FHIP1A: variants seen among roughly 807,000 people sequenced by gnomAD.
FHIP1A encodes the protein FHF complex subunit HOOK-interacting protein 1A.
A neutral mutation model predicts 88.6 loss-of-function variants in FHIP1A; 61 were observed. The observed-to-expected ratio is 0.69, with a 90% CI of 0.56 to 0.85. The LOEUF (loss-of-function observed/expected upper bound fraction) is 0.85, where lower values mean the gene tolerates loss of function less well. Ranked by LOEUF, FHIP1A falls within the 40% of genes least tolerant of loss-of-function variation. FHIP1A has a pLI of 0.00. For missense variants in FHIP1A, 1,154 were observed against 1,273.5 expected, an observed-to-expected ratio of 0.91 and a Z score of 1.43; for synonymous variants, 478 against 496.0, an observed-to-expected ratio of 0.96 and a Z score of 0.48.
rs568383826 is a variant in FHIP1A, at chr4:151,656,032, T to G, written c.2552-200T>G. 3.2e-4 allele frequency among the ~76,000 whole-genome samples: 49 copies of G among 152,310 alleles called. No homozygotes were observed. The highest frequency in any genetic ancestry group is 1.2e-3 in the African/African-American group (48 of 41,572). ...AAATGTCAGTAGCCATGCCTATTTTTCTGTTTTCTTTTTGCCATGGTGGTT... is the reference window on the plus strand; with the variant it reads ...AAATGTCAGTAGCCATGCCTATTTTGCTGTTTTCTTTTTGCCATGGTGGTT... On this transcript the variant is annotated intron_variant, in intron 11 of 13. Coordinates refer to ENST00000435205, the MANE Select transcript of FHIP1A (RefSeq NM_001109977.3). The surrounding 1 kb of genome is among the most constrained non-coding windows in gnomAD (Gnocchi z 4.2).
intron 2 of FHIP1A, among the ~76,000 whole-genome samples, chr4:151,468,743 G>C (rs1729412215): frequency 6.6e-6 from 1 of 152,150 alleles, no homozygotes; most frequent in African/African-American, 2.4e-5. Context: ...TAACTTACCA[G>C]GGCCTCATTT....
intron 7 of FHIP1A, among the ~76,000 whole-genome samples, chr4:151,618,610 G>A (rs1379915674): frequency 1.3e-5 from 2 of 152,146 alleles, no homozygotes; most frequent in African/African-American, 4.8e-5. Context: ...AATCTGTGGA[G>A]GAAGGCACTT....
intron 10 of FHIP1A, among the ~76,000 whole-genome samples, chr4:151,647,708 A>G (rs1019266782): frequency 6.6e-6 from 1 of 152,198 alleles, no homozygotes; most frequent in Non-Finnish European, 1.5e-5. Context: ...ATTAGTATGG[A>G]TATCTTATAT....
At chr4:151,628,168 A>G (rs1736023311) in intron 7 of FHIP1A, among the ~76,000 whole-genome samples, 1 of 152,136 alleles carries the variant, frequency 6.6e-6, no homozygotes, top group African/African-American at 2.4e-5. Context: ...GAGAACTTGC[A>G]TTGTTGGCAC....
At chr4:151,514,674 A>G (rs1372249602) in intron 3 of FHIP1A, among the ~76,000 whole-genome samples, 1 of 152,084 alleles carries the variant, frequency 6.6e-6, no homozygotes, top group Non-Finnish European at 1.5e-5. Context: ...TACTACAAAC[A>G]CCTCTATGCA....
chr4:151,485,282 GTTTTTTT>G (rs74327398), intron 3 of FHIP1A, among the ~76,000 whole-genome samples: 35 of 118,740 alleles, frequency 2.9e-4, no homozygotes, highest in African/African-American at 6.9e-4. Flanking sequence ...ATCTTTTCCA[GTTTTTTT>G]TTTTTTTTTT....
At chr4:151,534,903 A>G (rs548750725) in intron 3 of FHIP1A, 1 of 152,284 alleles carries the variant, frequency 6.6e-6, no homozygotes, top group Admixed American at 6.5e-5. Flanking sequence ...AATCATGGGT[A>G]TGTTCAAATG....
chr4:151,666,674 T>C lies in FHIP1A; in HGVS notation c.*3920T>C, dbSNP rs926925401. Among the ~76,000 whole-genome samples, 3 of 152,216 alleles carry C rather than the reference T, an allele frequency of 2.0e-5. No homozygotes were observed. The highest frequency in any genetic ancestry group is 2.1e-4 in the South Asian group (1 of 4,820). On this transcript the variant is annotated 3_prime_UTR_variant, in exon 14 of 14. Coordinates refer to ENST00000435205, the MANE Select transcript of FHIP1A (RefSeq NM_001109977.3). ...CAAATCAGCTTGGCTGTGGCCGTCATGTGGACTGATTCCCAGGTCTGTTTG... is the reference window on the plus strand; with the variant it reads ...CAAATCAGCTTGGCTGTGGCCGTCACGTGGACTGATTCCCAGGTCTGTTTG...
chr4:151,632,461 G>A (rs925814293), intron 8 of FHIP1A, among the ~76,000 whole-genome samples: 1 of 151,862 alleles, frequency 6.6e-6, no homozygotes, highest in Non-Finnish European at 1.5e-5. Context: ...AACAGGATTT[G>A]AACAACACTG....
chr4:151,515,697 C>T (rs1247696976), intron 3 of FHIP1A, among the ~76,000 whole-genome samples: 1 of 151,528 alleles, frequency 6.6e-6, no homozygotes, highest in Non-Finnish European at 1.5e-5. Context: ...CTCCCATTCA[C>T]AATTGCTTCA....
At chr4:151,485,480 T>G (rs1730050143) in intron 3 of FHIP1A, among the ~76,000 whole-genome samples, 2 of 152,088 alleles carry the variant, frequency 1.3e-5, no homozygotes, top group African/African-American at 4.8e-5. Context: ...TAGTCTAGAC[T>G]AGAGGTTCTC....
intron 7 of FHIP1A, among the ~76,000 whole-genome samples, chr4:151,619,693 T>C (rs900789051): frequency 6.6e-6 from 1 of 152,228 alleles, no homozygotes; most frequent in African/African-American, 2.4e-5. Flanking sequence ...TCAACATATA[T>C]ATTTTAAGCA....
intron 3 of FHIP1A, among the ~76,000 whole-genome samples, chr4:151,525,934 T>TTGAGATTAGGGAGTGG (rs1334030189): frequency 3.2e-4 from 48 of 151,974 alleles, no homozygotes; most frequent in Non-Finnish European, 2.1e-4. Flanking sequence ...CCCTGGGTAC[T>TTGAGATTAGGGAGTGG]TGAGATTAGG....
At chr4:151,657,137 T>G (rs1174825376) in intron 13 of FHIP1A, among the ~76,000 whole-genome samples, 1 of 152,212 alleles carries the variant, frequency 6.6e-6, no homozygotes, top group Non-Finnish European at 1.5e-5. Context: ...TTTTGTTTTT[T>G]TAACTGAGAG....
At chr4:151,499,301 T>C (rs1363072953) in intron 3 of FHIP1A, among the ~76,000 whole-genome samples, 1 of 152,206 alleles carries the variant, frequency 6.6e-6, no homozygotes, top group Non-Finnish European at 1.5e-5. Flanking sequence ...TCTGTCTATG[T>C]GACTTTGAAA....
At chr4:151,522,447 G>C (rs1731478899) in intron 3 of FHIP1A, among the ~76,000 whole-genome samples, 1 of 152,192 alleles carries the variant, frequency 6.6e-6, no homozygotes, top group South Asian at 2.1e-4. Context: ...GAACCAAATG[G>C]ACATCCTCAG....
intron 7 of FHIP1A, among the ~76,000 whole-genome samples, chr4:151,606,638 C>G (rs139704198): frequency 2.1e-4 from 32 of 152,224 alleles, no homozygotes; most frequent in Non-Finnish European, 3.1e-4. Context: ...TGCAGAAAAC[C>G]CCACAAAACA....
chr4:151,510,403 C>A (rs1467671379), intron 3 of FHIP1A, among the ~76,000 whole-genome samples: 3 of 152,152 alleles, frequency 2.0e-5, no homozygotes, highest in African/African-American at 7.2e-5. Context: ...AGCTACCATG[C>A]CTGGCCCTAT....
chr4:151,450,097 T>C (rs1377302639), intron 1 of FHIP1A, among the ~76,000 whole-genome samples: 2 of 152,158 alleles, frequency 1.3e-5, no homozygotes, highest in African/African-American at 2.4e-5. Flanking sequence ...TTCATAAAAG[T>C]TTAAAATGTT....
Sources: gnomAD v4.1 joint callset for allele counts (sites outside exome capture counted in the v4.1 genomes callset) on GRCh38, gnomAD v4.1.1 for gene constraint, Gnocchi (gnomAD v3.1) non-coding constraint, MANE v1.5 for transcripts, NCBI Gene and HGNC (gene_info 2026-07-23, HGNC 2026-07-21) for gene names.